The following TLL2 variants were observed in gnomAD, a reference collection of about 807,000 sequenced individuals.
The protein encoded by TLL2 is tolloid-like protein 2.
Under a neutral mutation model 123.0 loss-of-function variants are expected in TLL2, and 106 were observed. The observed-to-expected ratio is 0.86, with a 90% CI of 0.74 to 1.01. The LOEUF is 1.01. Among genes scored for constraint, TLL2 ranks in the 50% least tolerant of loss-of-function variants. The pLI is 0.00. For synonymous variants in TLL2, 494 were observed against 516.8 expected, an observed-to-expected ratio of 0.96 and a Z score of 0.60; for missense variants, 1,332 against 1,336.7, an observed-to-expected ratio of 1.00 and a Z score of 0.06.
chr10:96,489,117 A>T (rs1427823815), intron 1 of TLL2, among the ~76,000 whole-genome samples: 1 of 152,246 alleles, frequency 6.6e-6, no homozygotes, highest in Non-Finnish European at 1.5e-5. Context: ...CATGGCACAC[A>T]TTTGCCATCC....
chr10:96,413,055 C>A (rs1846521907), intron 8 of TLL2, 137 bp downstream of exon 8: 4 of 1,275,500 alleles, frequency 3.1e-6, no homozygotes, highest in Admixed American at 2.5e-5. Context: ...TGCCTAGCAC[C>A]TCCTACCAGA....
intron 3 of TLL2, among the ~76,000 whole-genome samples, chr10:96,438,936 G>A: frequency 6.6e-6 from 1 of 151,834 alleles, no homozygotes; most frequent in Non-Finnish European, 1.5e-5. Context: ...TTACTAGCTT[G>A]TTGATTTAGC....
Position 96,387,071 on chromosome 10 carries a change from A to T in TLL2, c.1734T>A (p.Asp578Glu). The change falls in exon 14 of 21, where the codon GAT (aspartate) becomes GAA (glutamate). Residue 578 changes from aspartate to glutamate, a missense_variant. Coordinates refer to ENST00000357947, the MANE Select transcript of TLL2 (RefSeq NM_012465.4). Reference sequence around the variant, plus strand: ...CGCCGTGATCTGGCCAGGAACACTCATCCACCTCTGGTGGGGAAGGAAGGT... The same window carrying T: ...CGCCGTGATCTGGCCAGGAACACTCTTCCACCTCTGGTGGGGAAGGAAGGT... Reference protein sequence around the residue: ...GFAANFFKEVDECSWPDHGGC... With the variant: ...GFAANFFKEVEECSWPDHGGC... 1 of 1,613,278 alleles carries T rather than the reference A, an allele frequency of 6.2e-7. No individual in the cohort carries two copies. The highest frequency in any genetic ancestry group is 1.1e-5 in the South Asian group (1 of 91,052).
In TLL2 at chr10:96,420,938, A is replaced by T; in HGVS notation, c.923+18T>A. On this transcript the variant is annotated intron_variant, in intron 7 of 20. Coordinates refer to ENST00000357947, the MANE Select transcript of TLL2 (RefSeq NM_012465.4). ...AGGCACAGTAAAACACAGACGAGGC[A>T]TAAGCATAGATTCCGACCTTGAGAA... The T allele has an allele frequency of 6.2e-7, 1 of 1,611,254 alleles. No individual in the cohort carries two copies. Among genetic ancestry groups the T allele is most frequent in the Non-Finnish European group, 8.5e-7 (1 of 1,177,366 alleles).
chr10:96,463,668 G>A (rs985971975), intron 2 of TLL2, among the ~76,000 whole-genome samples: 1 of 152,194 alleles, frequency 6.6e-6, no homozygotes, highest in Non-Finnish European at 1.5e-5. Flanking sequence ...TGTGACAAGG[G>A]CATGCTGGGC....
intron 20 of TLL2, among the ~76,000 whole-genome samples, chr10:96,368,555 C>T (rs1277453506): frequency 6.6e-6 from 1 of 152,198 alleles, no homozygotes; most frequent in Non-Finnish European, 1.5e-5. Context: ...GGTACTATCC[C>T]CATTTTTCAC....
chr10:96,481,109 T>G (rs1318529943), intron 1 of TLL2, among the ~76,000 whole-genome samples: 1 of 150,922 alleles, frequency 6.6e-6, no homozygotes, highest in Non-Finnish European at 1.5e-5. Context: ...CAGCATGGAT[T>G]AAAAAATGAA....
chr10:96,450,262 T>C (rs1435152904), intron 2 of TLL2, among the ~76,000 whole-genome samples: 3 of 152,116 alleles, frequency 2.0e-5, no homozygotes, highest in Admixed American at 1.3e-4. Context: ...AACTCAACTG[T>C]TGGAAAAAAA....
intron 5 of TLL2, among the ~76,000 whole-genome samples, chr10:96,427,726 G>A (rs1053774626): frequency 6.6e-6 from 1 of 152,152 alleles, no homozygotes; most frequent in Non-Finnish European, 1.5e-5. Context: ...TCTCTAGGTT[G>A]TTTTATTCAG....
chr10:96,373,643 G>A lies in TLL2; in HGVS notation c.2615C>T (p.Ser872Leu), dbSNP rs758606928. The change falls in exon 19 of 21, where the codon TCG becomes TTG. Residue 872 changes from serine (S) to leucine (L), a missense_variant. Transcript: ENST00000357947. The part of the protein sequence containing the change: ...SGSSMFLRFY[S>L]DASVQRKGFQ... ...GCCTTTCCTCTGCACTGAGGCATCC[G>A]AATAAAACCTGAGAAACATACTGCT... 22 of 1,614,070 alleles carry A rather than the reference G, an allele frequency of 1.4e-5. No homozygotes were observed. The highest frequency in any genetic ancestry group is 1.6e-4 in the Middle Eastern group (1 of 6,084).
rs1192317181 is a variant in TLL2 at position 96,480,372 on chromosome 10, A to C, written c.263T>G (p.Val88Gly). 1 of 1,614,010 alleles carries C rather than the reference A, an allele frequency of 6.2e-7. No individual in the cohort carries two copies. Among genetic ancestry groups the C allele is most frequent in the Non-Finnish European group, 8.5e-7 (1 of 1,180,022 alleles). ...ACCTGTGCTGTGTCCTGTTGCCCCC[A>C]CTGTCTGCTTGGTCCAGTCTCTGGC... The part of the protein sequence containing the change: ...DKARDWTKQT[V>G]GATGHSTGGL... The change falls in exon 2 of 21, where the codon GTG becomes GGG. Residue 88 changes from valine to glycine, a missense_variant. Coordinates refer to ENST00000357947, the MANE Select transcript of TLL2 (RefSeq NM_012465.4).
rs1157306023 is a variant in TLL2 at position 96,428,648 on chromosome 10, G to A, written c.621C>T (p.Phe207=). Residue 207 remains phenylalanine (F), a synonymous_variant, in exon 5 of 21, where the codon TTC becomes TTT. Coordinates refer to ENST00000357947, the MANE Select transcript of TLL2 (RefSeq NM_012465.4). ...ERTDEESFIV[F]SYRTCGCCSY... ...TTACTTACCCACAGGTTCTGTAACTGAATACAATAAAGCTTTCCTCATCCG... is the reference window on the plus strand; with the variant it reads ...TTACTTACCCACAGGTTCTGTAACTAAATACAATAAAGCTTTCCTCATCCG... The A allele has an allele frequency of 6.2e-7, 1 of 1,613,410 alleles. No individual in the cohort carries two copies. The highest frequency in any genetic ancestry group is 2.2e-5 in the East Asian group (1 of 44,886).
chr10:96,383,527 T>G (rs1211791798), intron 16 of TLL2, among the ~76,000 whole-genome samples: 2 of 152,226 alleles, frequency 1.3e-5, no homozygotes, highest in Admixed American at 1.3e-4. Context: ...TCTGCAGCCA[T>G]GTAAGACATG....
intron 2 of TLL2, among the ~76,000 whole-genome samples, chr10:96,474,289 G>A (rs573807524): frequency 6.6e-6 from 1 of 152,298 alleles, no homozygotes; most frequent in East Asian, 1.9e-4. Context: ...CGGAGAATGG[G>A]GGAGAAATAG....
chr10:96,405,067 A>C (rs1200896866), intron 10 of TLL2, among the ~76,000 whole-genome samples, 165 bp downstream of exon 10: 1 of 152,216 alleles, frequency 6.6e-6, no homozygotes, highest in Non-Finnish European at 1.5e-5. Context: ...CGCAGTTTTA[A>C]AAGCTTTTAA....
At chr10:96,391,708 C>A (rs1323232169) in intron 13 of TLL2, among the ~76,000 whole-genome samples, 4 of 152,210 alleles carry the variant, frequency 2.6e-5, no homozygotes, top group Non-Finnish European at 5.9e-5. Flanking sequence ...AGTAGATGTC[C>A]TTTCCCTGAT....
chr10:96,478,526 A>G (rs1260142661), intron 2 of TLL2, among the ~76,000 whole-genome samples: 1 of 152,242 alleles, frequency 6.6e-6, no homozygotes, highest in East Asian at 1.9e-4. Flanking sequence ...CCAAAACACT[A>G]CGTCCAAGAA....
chr10:96,418,578 C>A (rs1846588320), intron 7 of TLL2, among the ~76,000 whole-genome samples: 1 of 151,992 alleles, frequency 6.6e-6, no homozygotes, highest in South Asian at 2.1e-4. Flanking sequence ...CTACTAGGTG[C>A]CAGGCACTAT....
At chr10:96,387,117 G>A (rs1589408507) in intron 13 of TLL2, 39 bp from the exon 14 acceptor site, 4 of 1,602,126 alleles carry the variant, frequency 2.5e-6, no homozygotes, top group Non-Finnish European at 3.4e-6. Flanking sequence ...ACATTGTCAG[G>A]AAGCCTCCTG....
Sources: allele counts gnomAD v4.1 joint callset (sites outside exome capture counted in the v4.1 genomes callset), GRCh38; gene constraint gnomAD v4.1.1; transcripts MANE v1.5; gene names NCBI Gene and HGNC (gene_info 2026-07-23, HGNC 2026-07-21).